PRX: variants seen among roughly 807,000 people sequenced by gnomAD.
PRX encodes the protein periaxin.
Under a neutral mutation model 29.6 loss-of-function variants are expected in PRX, and 24 were observed. The observed-to-expected ratio is 0.81, with a 90% CI of 0.59 to 1.14. PRX has a LOEUF of 1.14. Among genes scored for constraint, PRX ranks in the 50% most tolerant of loss-of-function variants. The pLI is 0.00. For missense variants in PRX, 1,838 were observed against 1,926.4 expected (o/e 0.95, Z 0.86); for synonymous variants, 772 against 831.7 (o/e 0.93, Z 1.24).
At chr19:40,402,366 TAAATAAAATA>T (rs891765545) in intron 5 of PRX, among the ~76,000 whole-genome samples, 5 of 150,764 alleles carry the variant, frequency 3.3e-5, no homozygotes, top group African/African-American at 9.8e-5. Context: ...AATAAATAAA[TAAATAAAATA>T]AAATAAAATA....
In PRX at chr19:40,395,388, G is replaced by A; in HGVS notation, c.2964C>T (p.Ala988=). 6.2e-7 allele frequency: 1 copy of A among 1,613,622 alleles called. No homozygotes were observed. Among genetic ancestry groups the A allele is most frequent in the African/African-American group, 1.3e-5 (1 of 74,954 alleles). The change falls in exon 7 of 7, where the codon GCC becomes GCT. Residue 988 remains alanine (A), a synonymous_variant. Transcript: ENST00000324001. ...KGAGEAGLLP[A]LDLSIPQLSL... ...TGAGCTGTGGGATGGACAGATCGAG[G>A]GCAGGCAGCAGGCCTGCCTCCCCAG...
rs1312805354 is a variant in PRX at position 40,395,272 on chromosome 19, C to T, written c.3080G>A (p.Gly1027Glu). 5 of 1,613,880 alleles carry T rather than the reference C, an allele frequency of 3.1e-6. No individual in the cohort carries two copies. Among genetic ancestry groups the T allele is most frequent in the South Asian group, 1.1e-5 (1 of 91,086 alleles). Residue 1027 changes from glycine (G) to glutamate (E), a missense_variant, in exon 7 of 7, where the codon GGG (glycine) becomes GAG (glutamate). Gly to Glu is a moderately conservative substitution (Grantham distance 98). Coordinates refer to ENST00000324001, the MANE Select transcript of PRX (RefSeq NM_181882.3). The part of the protein sequence containing the change: ...KGPRFALPKF[G>E]VRGRDTEAAE... ...TGCCTCAGTGTCCCGGCCTCTGACC[C>T]CAAACTTGGGGAGAGCAAACCTGGG...
At chr19:40,401,837 G>C (rs1443202951) in intron 5 of PRX, among the ~76,000 whole-genome samples, 1 of 150,426 alleles carries the variant, frequency 6.6e-6, no homozygotes, top group Admixed American at 6.6e-5. Flanking sequence ...GCGCGAACTC[G>C]GCTTACTGCA....
chr19:40,406,778 T>TC (rs1350956389), intron 4 of PRX, among the ~76,000 whole-genome samples: 1 of 149,152 alleles, frequency 6.7e-6, no homozygotes, highest in African/African-American at 2.5e-5. Flanking sequence ...TTTCTTTTTT[T>TC]TTTTTTTTTT....
In PRX at chr19:40,397,427, G is replaced by C. The variant is rs1347235503; in HGVS notation, c.925C>G (p.Leu309Val). ...CCTTCCCGGGTCTCTAGGCAGGGAA[G>C]TGTGGGCAGAGTGGGCAGTGAGGGC... ...ALPSLPTLPT[L>V]PCLETREGAV... is the part of the protein sequence containing the mutation. Residue 309 changes from leucine to valine, a missense_variant, in exon 7 of 7, where the codon CTT (leucine) becomes GTT (valine). Coordinates refer to ENST00000324001, the MANE Select transcript of PRX (RefSeq NM_181882.3). 1 of 1,604,962 alleles carries C rather than the reference G, an allele frequency of 6.2e-7. No homozygotes were observed. The highest frequency in any genetic ancestry group is 1.1e-5 in the South Asian group (1 of 90,078).
intron 4 of PRX, chr19:40,407,654 T>C (rs1478128204): frequency 3.3e-6 from 2 of 604,034 alleles, no homozygotes; most frequent in Non-Finnish European, 5.9e-6. Flanking sequence ...AGCTCCTTAT[T>C]AATTTAGCTC....
Position 40,403,788 on chromosome 19 carries a change from T to G in PRX, c.102A>C (p.Val34=), listed in dbSNP as rs761347226. The G allele has an allele frequency of 4.5e-5, 73 of 1,607,228 alleles. No individual in the cohort carries two copies. The highest frequency in any genetic ancestry group is 1.6e-4 in the Middle Eastern group (1 of 6,068). The change falls in exon 5 of 7, where the codon GTA becomes GTC. Residue 34 remains valine (V), a synonymous_variant. Coordinates refer to ENST00000324001, the MANE Select transcript of PRX (RefSeq NM_181882.3). ...EAQTGVSGIN[V]AGGGKEGIFV... The stretch of plus-strand genomic sequence containing the variant: ...AGATTCCCTCTTTGCCGCCGCCCGC[T>G]ACGTTGATGCCGCTGACCCCGGTCT...
chr19:40,406,247 C>CA (rs112824640), intron 4 of PRX, among the ~76,000 whole-genome samples: 9,418 of 88,650 alleles, frequency 0.11, 661 homozygotes, highest in African/African-American at 0.24. Context: ...GAATCCGTCT[C>CA]AAAAAAAAAA....
chr19:40,398,478 A>G lies in PRX; in HGVS notation c.381+142T>C. 6.5e-7 allele frequency: 1 copy of G among 1,537,136 alleles called. No homozygotes were observed. Among genetic ancestry groups the G allele is most frequent in the Non-Finnish European group, 8.7e-7 (1 of 1,145,230 alleles). On this transcript the variant is annotated intron_variant, in intron 6 of 6. Transcript: ENST00000324001. The surrounding 1 kb of genome is among the most constrained non-coding windows in gnomAD (Gnocchi z 6.3). ...CGGGGAAGAGTTTGGGGCAGAGAGG[A>G]AGGGGCAGAGGGTGGAATTAGCTTG...
chr19:40,395,579 CTT>C lies in PRX; in HGVS notation c.2771_2772del (p.Lys924SerfsTer11). ...EEGRLEMIET[K>X]VKPSSKFSLP... Reference sequence around the variant, plus strand: ...AAGGAGAACTTGGAAGAGGGCTTGACTTTTGTCTCTATCATCTCCAGCCGCCC... The same window carrying C: ...AAGGAGAACTTGGAAGAGGGCTTGACTTGTCTCTATCATCTCCAGCCGCCC... On this transcript the variant is annotated frameshift_variant, in exon 7 of 7. Transcript: ENST00000324001. LOFTEE classifies it low-confidence loss of function (END_TRUNC). The C allele has an allele frequency of 1.9e-6, 3 of 1,614,198 alleles. No homozygotes were observed. The highest frequency in any genetic ancestry group is 2.5e-6 in the Non-Finnish European group (3 of 1,180,024).
Position 40,396,203 on chromosome 19 carries a change from T to C in PRX, c.2149A>G (p.Met717Val). 6.2e-7 allele frequency: 1 copy of C among 1,611,378 alleles called. No individual in the cohort carries two copies. The highest frequency in any genetic ancestry group is 8.5e-7 in the Non-Finnish European group (1 of 1,179,296). ...GGGAGCTTCATGTCAGGGACTTTCA[T>C]TTCACAGACTTTGGGCAGCTGCACC... ...PEVQLPKVCE[M>V]KVPDMKLPEI... Residue 717 changes from methionine to valine, a missense_variant, in exon 7 of 7, where the codon ATG becomes GTG. By Grantham distance (21) the Met-to-Val change is conservative. Transcript: ENST00000324001.
At chr19:40,404,427 G>GGT (rs1483541228) in intron 4 of PRX, among the ~76,000 whole-genome samples, 3 of 151,874 alleles carry the variant, frequency 2.0e-5, no homozygotes, top group Admixed American at 2.0e-4. Context: ...GCGGGGCTGG[G>GGT]GGGGGTTGGT....
chr19:40,403,959 GTT>G, intron 4 of PRX, 97 bp from the exon 5 acceptor site: 2 of 1,324,646 alleles, frequency 1.5e-6, no homozygotes, highest in Non-Finnish European at 2.1e-6. Flanking sequence ...ACATATATAT[GTT>G]TATATATATT....
intron 5 of PRX, among the ~76,000 whole-genome samples, chr19:40,403,095 G>A (rs1452167992): frequency 1.3e-5 from 2 of 152,140 alleles, no homozygotes; most frequent in Admixed American, 1.3e-4. Flanking sequence ...GCTTGAACCA[G>A]GGAGGCGGAG....
Position 40,394,012 on chromosome 19 carries a change from G to T in PRX, c.4340C>A (p.Ala1447Asp). 1 of 1,613,596 alleles carries T rather than the reference G, an allele frequency of 6.2e-7. No homozygotes were observed. The change falls in exon 7 of 7, where the codon GCT becomes GAT. Residue 1447 changes from alanine to aspartate, a missense_variant. Ala to Asp is a moderately radical substitution (Grantham distance 126). This residue lies in a region of PRX where 1,143 missense variants were observed against 1,193.0 expected (regional missense o/e 0.96). Transcript: ENST00000324001. This position sits in a 1 kb window ranked among gnomAD's most constrained non-coding sequence, Gnocchi z 5.8. ...CCCCTCCATCCTGGCCGGGCCTGGA[G>T]CCCCTGTCTCTGAAAACCCCACGCT... is the stretch of plus-strand genomic sequence containing the variant. ...LPSVGFSETG[A>D]PGPARMEGAQ...
intron 1 of PRX, among the ~76,000 whole-genome samples, chr19:40,411,194 G>GGGGCAGGAGCTGGGTT (rs1347986667): frequency 6.6e-6 from 1 of 152,224 alleles, no homozygotes; most frequent in Non-Finnish European, 1.5e-5. Context: ...TCTGCGCACT[G>GGGGCAGGAGCTGGGTT]GGGCAGGAGC....
At position 40,394,630 on chromosome 19, in the gene PRX, C is replaced by G. The variant is rs139120811; in HGVS notation, c.3722G>C (p.Gly1241Ala). 3.1e-6 allele frequency: 5 copies of G among 1,607,548 alleles called. No homozygotes were observed. The highest frequency in any genetic ancestry group is 4.2e-6 in the Non-Finnish European group (5 of 1,179,726). ...AQAGEAATGE[G>A]GLRLKLPTLG... The stretch of plus-strand genomic sequence containing the variant: ...TGTGGGCAACTTCAGCCTCAGCCCA[C>G]CCTCGCCTGTGGCCGCCTCGCCCGC... Residue 1241 changes from glycine to alanine, a missense_variant, in exon 7 of 7, where the codon GGT becomes GCT. Gly to Ala is a moderately conservative substitution (Grantham distance 60). Coordinates refer to ENST00000324001, the MANE Select transcript of PRX (RefSeq NM_181882.3). This position sits in a 1 kb window ranked among gnomAD's most constrained non-coding sequence, Gnocchi z 5.8.
chr19:40,397,828 A>AGGGG lies in PRX; in HGVS notation c.523_524insCCCC (p.Val175AlafsTer49). ...AGGGGCAGCCGGGACAGGACCCTTG[A>AGGGG]CAGCCTCGGCTTTGAGGCCCCGACG... On this transcript the variant is annotated frameshift_variant, in exon 7 of 7. Coordinates refer to ENST00000324001, the MANE Select transcript of PRX (RefSeq NM_181882.3). LOFTEE classifies it low-confidence loss of function (END_TRUNC). The AGGGG allele has an allele frequency of 6.3e-7, 1 of 1,593,946 alleles. No homozygotes were observed.
At position 40,408,378 on chromosome 19, in the gene PRX, G is replaced by A. The variant is rs570459947; in HGVS notation, c.-237C>T. ...CCAGCTCCTTGGGCCTCCTGGGTCC[G>A]GCGCTCTAAGAAGAATAATGTGAGC... On this transcript the variant is annotated 5_prime_UTR_variant, in exon 2 of 7. Transcript: ENST00000324001. The A allele has an allele frequency of 6.7e-5, 20 of 296,390 alleles. No individual in the cohort carries two copies. The highest frequency in any genetic ancestry group is 3.8e-4 in the African/African-American group (18 of 46,820). The allele number at this position is 296,390 out of a possible 1,614,324, so 18.4% of individuals were successfully genotyped here. A position where few individuals can be genotyped will look rare whatever the true frequency, so the allele number is the denominator to read the frequency against.
Sources: gnomAD v4.1 joint callset for allele counts (sites outside exome capture counted in the v4.1 genomes callset) on GRCh38, gnomAD v4.1.1 for gene constraint, gnomAD v4.1.1 regional missense constraint, Gnocchi (gnomAD v3.1) non-coding constraint, MANE v1.5 for transcripts, NCBI Gene and HGNC (gene_info 2026-07-23, HGNC 2026-07-21) for gene names.